The following PTCHD4 variants were observed in gnomAD, a reference collection of about 807,000 sequenced individuals.
PTCHD4 encodes the protein patched domain containing 4.
A neutral mutation model predicts 58.1 loss-of-function variants in PTCHD4; 33 were observed. The ratio of observed to expected loss-of-function variants is 0.57; its 90% confidence interval spans 0.43 to 0.76. The LOEUF (loss-of-function observed/expected upper bound fraction) is 0.76. Ranked by LOEUF, PTCHD4 falls within the 30% of genes least tolerant of loss-of-function variation. The pLI is 0.00. For synonymous variants in PTCHD4, 478 were observed against 409.6 expected (o/e 1.17, Z -2.02); for missense variants, 1,058 against 1,027.1 (o/e 1.03, Z -0.41).
intron 4 of PTCHD4, among the ~76,000 whole-genome samples, chr6:47,956,609 A>AT (rs1440855382): frequency 6.6e-6 from 1 of 151,738 alleles, no homozygotes; most frequent in Non-Finnish European, 1.5e-5. Flanking sequence ...AATTTTTTGT[A>AT]TTTTTAGTAG....
intron 4 of PTCHD4, among the ~76,000 whole-genome samples, chr6:47,989,862 A>C (rs1438733974): frequency 6.6e-6 from 1 of 152,174 alleles, no homozygotes; most frequent in African/African-American, 2.4e-5. Flanking sequence ...TGTGCGAAGA[A>C]GGCCACTGTC....
At chr6:47,929,859 G>C (rs1045742314) in intron 4 of PTCHD4, among the ~76,000 whole-genome samples, 1 of 152,196 alleles carries the variant, frequency 6.6e-6, no homozygotes, top group Non-Finnish European at 1.5e-5. Context: ...TTTCACCCTG[G>C]TGGGAGCATT....
At chr6:48,018,818 T>C (rs768205435) in intron 3 of PTCHD4, among the ~76,000 whole-genome samples, 3 of 152,234 alleles carry the variant, frequency 2.0e-5, no homozygotes, top group Non-Finnish European at 4.4e-5. Context: ...AGCTCTGATG[T>C]TGACCTACAT....
intron 1 of PTCHD4, among the ~76,000 whole-genome samples, chr6:48,077,620 C>T (rs895700324): frequency 6.6e-6 from 1 of 152,242 alleles, no homozygotes; most frequent in African/African-American, 2.4e-5. Context: ...TCAAACTAAG[C>T]TTAATCATTT....
intron 1 of PTCHD4, among the ~76,000 whole-genome samples, chr6:48,073,945 C>T (rs1019277071): frequency 3.3e-5 from 5 of 152,140 alleles, no homozygotes; most frequent in African/African-American, 1.2e-4. Flanking sequence ...ATTCTTTGCC[C>T]TGTTCACCTT....
At chr6:48,092,930 G>A (rs1184516498) in intron 1 of PTCHD4, among the ~76,000 whole-genome samples, 2 of 152,166 alleles carry the variant, frequency 1.3e-5, no homozygotes, top group African/African-American at 4.8e-5. Context: ...AGGAATGTCT[G>A]TGCTCTCCAC....
rs562750518 is a variant in PTCHD4 at position 47,957,241 on chromosome 6, G to A, written c.898+51393C>T. 3.4e-5 allele frequency among the ~76,000 whole-genome samples: 5 copies of A among 147,324 alleles called. No individual in the cohort carries two copies. In the South Asian group the frequency reaches 1.1e-3, roughly 31 times the overall value. ...GAAATAAAATTCAAAGAGTATGATG[G>A]TTAAGGTTTATATATATATAATATA... On this transcript the variant is annotated intron_variant, in intron 4 of 4. Coordinates refer to ENST00000339488, the MANE Select transcript of PTCHD4 (RefSeq NM_001384253.1).
chr6:47,867,571 T>C lies in PTCHD4; in HGVS notation c.*10732A>G, dbSNP rs1763603970. On this transcript the variant is annotated 3_prime_UTR_variant, in exon 5 of 5. Transcript: ENST00000339488. ...CCACTCACAATGGGCGCTTCCTTTT[T>C]ATTCCCATCTGTAACAAGTCTCTTC... Among the ~76,000 whole-genome samples the C allele has an allele frequency of 6.6e-6, 1 of 151,744 alleles. No homozygotes were observed. Among genetic ancestry groups the C allele is most frequent in the African/African-American group, 2.4e-5 (1 of 41,374 alleles).
At chr6:47,890,141 T>C (rs1266287652) in intron 4 of PTCHD4, among the ~76,000 whole-genome samples, 2 of 151,784 alleles carry the variant, frequency 1.3e-5, no homozygotes, top group Non-Finnish European at 2.9e-5. Context: ...GTGTGTGTGT[T>C]TATGTATGCA....
At chr6:48,065,903 T>G (rs1456201776) in intron 3 of PTCHD4, among the ~76,000 whole-genome samples, 2 of 152,216 alleles carry the variant, frequency 1.3e-5, no homozygotes, top group African/African-American at 4.8e-5. Flanking sequence ...ATTATGATAT[T>G]AACCTTTGTA....
intron 4 of PTCHD4, among the ~76,000 whole-genome samples, chr6:47,969,178 G>T (rs1255816222): frequency 1.3e-5 from 2 of 152,150 alleles, no homozygotes; most frequent in Non-Finnish European, 2.9e-5. Context: ...AAAAAATGGA[G>T]TTACTGATCA....
chr6:48,004,921 G>GA lies in PTCHD4; in HGVS notation c.898+3712dup, dbSNP rs544524658. On this transcript the variant is annotated intron_variant, in intron 4 of 4. Transcript: ENST00000339488. ...GACAGAGCGAGACTTCATCTCAAAAGAAAAAAAAAATTATTAGAATTTTGG... is the reference window on the plus strand; with the variant it reads ...GACAGAGCGAGACTTCATCTCAAAAGAAAAAAAAAAATTATTAGAATTTTGG... Among the ~76,000 whole-genome samples the GA allele has an allele frequency of 2.3e-4, 35 of 149,210 alleles. 1 individual carries two copies. The South Asian group carries it at 5.3e-3, about 23-fold the overall frequency.
Position 48,008,672 on chromosome 6 carries a change from T to A in PTCHD4, c.860A>T (p.Tyr287Phe), listed in dbSNP as rs757515060. 1 of 1,613,492 alleles carries A rather than the reference T, an allele frequency of 6.2e-7. No individual in the cohort carries two copies. Among genetic ancestry groups the A allele is most frequent in the South Asian group, 1.1e-5 (1 of 90,960 alleles). ...CGGGATTCCCAGCAGGGTGGAGTTG[T>A]ACTTTCCATCGGTGATGAAGAAGAT... ...AGIFFITDGK[Y>F]NSTLLGIPFF... The change falls in exon 4 of 5, where the codon TAC (tyrosine) becomes TTC (phenylalanine). Residue 287 changes from tyrosine to phenylalanine, a missense_variant. By Grantham distance (22) the Tyr-to-Phe change is conservative. Transcript: ENST00000339488.
chr6:47,885,487 T>C (rs887955278), intron 4 of PTCHD4, among the ~76,000 whole-genome samples: 1 of 152,190 alleles, frequency 6.6e-6, no homozygotes, highest in Non-Finnish European at 1.5e-5. Context: ...TTCATGGTCA[T>C]GGTCGTGCAG....
intron 1 of PTCHD4, among the ~76,000 whole-genome samples, chr6:48,078,240 T>C (rs1364774554): frequency 6.6e-6 from 1 of 152,188 alleles, no homozygotes; most frequent in Non-Finnish European, 1.5e-5. Context: ...CCTACTCAAG[T>C]CTCAGTCTGT....
intron 3 of PTCHD4, among the ~76,000 whole-genome samples, chr6:48,021,964 A>G (rs1033290890): frequency 2.0e-5 from 3 of 152,166 alleles, no homozygotes; most frequent in Non-Finnish European, 4.4e-5. Flanking sequence ...TCTCAAGGAA[A>G]TGTACAGGAA....
chr6:47,920,602 C>T (rs1317126143), intron 4 of PTCHD4, among the ~76,000 whole-genome samples: 18 of 152,208 alleles, frequency 1.2e-4, no homozygotes, highest in Non-Finnish European at 1.5e-5. Context: ...CACAATCCTG[C>T]CCACAGAATT....
Position 47,879,426 on chromosome 6 carries a change from A to G in PTCHD4, c.1409T>C (p.Ile470Thr), listed in dbSNP as rs369947707. ...VKPFVVILYL[I>T]YASFSFMGCL... ...CCCCATGAAGGAGAAGGAGGCATAA[A>G]TGAGATAGAGGATGACAACAAATGG... The change falls in exon 5 of 5, where the codon ATT becomes ACT. Residue 470 changes from isoleucine (I) to threonine (T), a missense_variant. Physicochemically the swap from Ile to Thr is moderately conservative, Grantham distance 89 (BLOSUM62 -1). Transcript: ENST00000339488. 9 of 1,613,556 alleles carry G rather than the reference A, an allele frequency of 5.6e-6. No homozygotes were observed. The African/African-American group carries it at 1.1e-4, about 19-fold the overall frequency.
At position 47,868,376 on chromosome 6, in the gene PTCHD4, A is replaced by G. The variant is rs1222511996; in HGVS notation, c.*9927T>C. ...GGGCCTTATTATTGTGTAACTGGCT[A>G]TATAGGAAAATTCAAGAAAATGAAA... On this transcript the variant is annotated 3_prime_UTR_variant, in exon 5 of 5. Coordinates refer to ENST00000339488, the MANE Select transcript of PTCHD4 (RefSeq NM_001384253.1). Among the ~76,000 whole-genome samples, 2 of 151,736 alleles carry G rather than the reference A, an allele frequency of 1.3e-5. No homozygotes were observed. The highest frequency in any genetic ancestry group is 2.9e-5 in the Non-Finnish European group (2 of 67,812).
Sources: gnomAD v4.1 joint callset for allele counts (sites outside exome capture counted in the v4.1 genomes callset) on GRCh38, gnomAD v4.1.1 for gene constraint, MANE v1.5 for transcripts, NCBI Gene and HGNC (gene_info 2026-07-23, HGNC 2026-07-21) for gene names.